ADGRB1: variants seen among roughly 807,000 people sequenced by gnomAD.
ADGRB1 encodes brain-specific angiogenesis inhibitor 1.
Under a neutral mutation model 175.7 loss-of-function variants are expected in ADGRB1, and 36 were observed. That is an observed-to-expected ratio of 0.20 (90% CI 0.16 to 0.27). ADGRB1 has a LOEUF of 0.27. Ranked by LOEUF, ADGRB1 falls within the 10% of genes least tolerant of loss-of-function variation. The pLI is 1.00. For synonymous variants in ADGRB1, 1,054 were observed against 979.4 expected, an observed-to-expected ratio of 1.08 and a Z score of -1.42; for missense variants, 1,731 against 2,255.3, an observed-to-expected ratio of 0.77 and a Z score of 4.71.
rs1195271354 is a variant in ADGRB1 at position 142,464,510 on chromosome 8, C to T, written c.312C>T (p.Phe104=). The part of the protein sequence containing the change: ...SGPGRVRTYQ[F]DSFLESTRTY... ...CCGGCCGCGTGCGCACCTACCAGTT[C>T]GACTCCTTCCTCGAGTCCACGCGCA... The change falls in exon 2 of 31, where the codon TTC becomes TTT. Residue 104 remains phenylalanine, a synonymous_variant. Transcript: ENST00000517894. The T allele has an allele frequency of 1.3e-6, 2 of 1,579,060 alleles. No individual in the cohort carries two copies. Among genetic ancestry groups the T allele is most frequent in the African/African-American group, 2.7e-5 (2 of 73,420 alleles).
intron 17 of ADGRB1, among the ~76,000 whole-genome samples, chr8:142,509,256 T>C (rs1235446254): frequency 9.2e-5 from 14 of 152,174 alleles, no homozygotes; most frequent in African/African-American, 3.4e-4. Flanking sequence ...CCTGTGCCGC[T>C]CAGCGCTGTC....
At chr8:142,476,920 C>T (rs1417535196) in intron 4 of ADGRB1, among the ~76,000 whole-genome samples, 194 bp from the exon 5 acceptor site, 3 of 152,172 alleles carry the variant, frequency 2.0e-5, no homozygotes, top group Admixed American at 2.0e-4. Flanking sequence ...TGGCACAGGC[C>T]GGCCCTCAGG....
At chr8:142,516,321 C>T (rs1281065098) in intron 18 of ADGRB1, among the ~76,000 whole-genome samples, 2 of 126,910 alleles carry the variant, frequency 1.6e-5, no homozygotes, top group Non-Finnish European at 3.2e-5. Flanking sequence ...TGTGCGGGCC[C>T]CAGGTGCATG....
In ADGRB1 at chr8:142,544,117, G is replaced by T. The variant is rs553264383; in HGVS notation, c.4558-103G>T. 1.2e-5 allele frequency: 15 copies of T among 1,246,316 alleles called. No individual in the cohort carries two copies. In the East Asian group the frequency reaches 2.8e-4, roughly 23 times the overall value. The allele number at this position is 1,246,316 out of a possible 1,614,324, so 77.2% of individuals were successfully genotyped here. A position where few individuals can be genotyped will look rare whatever the true frequency, so the allele number is the denominator to read the frequency against. On this transcript the variant is annotated intron_variant, in intron 30 of 30. Transcript: ENST00000517894. ...CCCTGTCCCCTGTCCCCCACCTCCCGTCCCTTCCTCACTGATTCGTGTCTG... is the reference window on the plus strand; with the variant it reads ...CCCTGTCCCCTGTCCCCCACCTCCCTTCCCTTCCTCACTGATTCGTGTCTG...
chr8:142,521,542 G>A (rs1209173657), intron 20 of ADGRB1, among the ~76,000 whole-genome samples: 1 of 152,242 alleles, frequency 6.6e-6, no homozygotes, highest in Non-Finnish European at 1.5e-5. Flanking sequence ...CTGGCCCCAG[G>A]GCCTGCCATG....
intron 11 of ADGRB1, among the ~76,000 whole-genome samples, chr8:142,482,159 T>TACACTGAGCCCTGACCCTGGTC (rs1841382912): frequency 7.8e-6 from 1 of 127,754 alleles, no homozygotes; most frequent in East Asian, 2.6e-4. Flanking sequence ...ATCCTGATCA[T>TACACTGAGCCCTGACCCTGGTC]ACACTGAGCC....
At chr8:142,496,347 G>T (rs1384293125) in intron 17 of ADGRB1, among the ~76,000 whole-genome samples, 1 of 151,284 alleles carries the variant, frequency 6.6e-6, no homozygotes, top group Non-Finnish European at 1.5e-5. Context: ...TGTGTAGATG[G>T]ATAGATGGGT....
In ADGRB1 at chr8:142,543,578, C is replaced by T. The variant is rs375945494; in HGVS notation, c.4450-23C>T. 2.2e-4 allele frequency: 338 copies of T among 1,570,608 alleles called. No homozygotes were observed. In the African/African-American group the frequency reaches 3.7e-3, roughly 17 times the overall value. ...CATGCCCTCCTCCTGGCCCAGGACTCACTGCCCAGACCCCGCCTGCAGAAG... is the reference window on the plus strand; with the variant it reads ...CATGCCCTCCTCCTGGCCCAGGACTTACTGCCCAGACCCCGCCTGCAGAAG... On this transcript the variant is annotated intron_variant, in intron 29 of 30. Transcript: ENST00000517894. The surrounding 1 kb of genome is among the most constrained non-coding windows in gnomAD (Gnocchi z 4.4).
chr8:142,494,011 G>C (rs1297387825), intron 17 of ADGRB1, among the ~76,000 whole-genome samples: 1 of 152,202 alleles, frequency 6.6e-6, no homozygotes, highest in Non-Finnish European at 1.5e-5. Flanking sequence ...GTGTGGGCCT[G>C]TGTCGGTGTG....
At chr8:142,497,246 G>T (rs1184879001) in intron 17 of ADGRB1, among the ~76,000 whole-genome samples, 1 of 152,212 alleles carries the variant, frequency 6.6e-6, no homozygotes, top group Admixed American at 6.5e-5. Flanking sequence ...AGGTTCAGCT[G>T]TCCTGGCTCG....
intron 2 of ADGRB1, among the ~76,000 whole-genome samples, chr8:142,470,879 C>A (rs1019658904): frequency 1.7e-4 from 26 of 152,144 alleles, no homozygotes; most frequent in African/African-American, 5.8e-4. Flanking sequence ...GTTGGAGACA[C>A]AGTCAGGCTC....
At position 142,491,681 on chromosome 8, in the gene ADGRB1, C is replaced by T. The variant is rs528055223; in HGVS notation, c.2675+866C>T. 1.3e-3 allele frequency among the ~76,000 whole-genome samples: 205 copies of T among 152,300 alleles called. 3 individuals carry two copies. The South Asian group carries it at 0.041, about 31-fold the overall frequency. ...CCCGCCTCCTCCGAGCGTGTTCCTC[C>T]GGCTCCCTCAGCCCCAGTCCCTCCT... On this transcript the variant is annotated intron_variant, in intron 17 of 30. Transcript: ENST00000517894.
Position 142,478,458 on chromosome 8 carries a change from C to T in ADGRB1, c.1561+98C>T. The T allele has an allele frequency of 3.0e-6, 4 of 1,351,904 alleles. No homozygotes were observed. In the South Asian group the frequency reaches 5.9e-5, roughly 20 times the overall value. The allele number at this position is 1,351,904 out of a possible 1,614,324, so 83.7% of individuals were successfully genotyped here. On this transcript the variant is annotated intron_variant, in intron 7 of 30. Transcript: ENST00000517894. ...CAGCGGGTGGGGGTAACCATGGGCC[C>T]CGGCATGTGACTGAGGAGGGAGTGG...
chr8:142,533,232 T>G, intron 24 of ADGRB1, 63 bp from the exon 25 acceptor site: 1 of 1,428,024 alleles, frequency 7.0e-7, no homozygotes, highest in South Asian at 1.4e-5. Flanking sequence ...GATGCAGGGT[T>G]CAGGGCAGGG....
intron 25 of ADGRB1, among the ~76,000 whole-genome samples, chr8:142,536,466 G>C (rs993592292): frequency 3.3e-5 from 5 of 152,174 alleles, no homozygotes; most frequent in Admixed American, 3.3e-4. Flanking sequence ...CCTGAAGAGT[G>C]GGTGGCCATG....
intron 1 of ADGRB1, among the ~76,000 whole-genome samples, chr8:142,451,972 G>T (rs1219603631): frequency 6.6e-6 from 1 of 152,190 alleles, no homozygotes; most frequent in Non-Finnish European, 1.5e-5. Context: ...AGCAGGCGAA[G>T]GAGGGGGCGG....
intron 13 of ADGRB1, among the ~76,000 whole-genome samples, chr8:142,486,022 C>T (rs1194386910): frequency 1.3e-5 from 2 of 152,168 alleles, no homozygotes; most frequent in Non-Finnish European, 2.9e-5. Context: ...TCCCAAAGGC[C>T]CCACCACCAA....
At chr8:142,529,234 G>T (rs912464440) in intron 24 of ADGRB1, among the ~76,000 whole-genome samples, 1 of 152,176 alleles carries the variant, frequency 6.6e-6, no homozygotes. Context: ...GCCACTGGGG[G>T]TGTGTGGGTA....
At position 142,481,512 on chromosome 8, in the gene ADGRB1, C is replaced by T. The variant is rs776584105; in HGVS notation, c.1936-5C>T. The T allele has an allele frequency of 2.7e-5, 43 of 1,573,912 alleles. No individual in the cohort carries two copies. The highest frequency in any genetic ancestry group is 9.2e-5 in the East Asian group (4 of 43,352). ...GAAGGCACCCGCCCTCTCTGTCTTC[C>T]GCAGACCCGGGAGCACCTGGCCAAG... On this transcript the variant is annotated splice_region_variant and splice_polypyrimidine_tract_variant and intron_variant, in intron 10 of 30. Transcript: ENST00000517894.
Sources: allele counts gnomAD v4.1 joint callset (sites outside exome capture counted in the v4.1 genomes callset), GRCh38; gene constraint gnomAD v4.1.1; non-coding constraint Gnocchi (gnomAD v3.1); transcripts MANE v1.5; gene names NCBI Gene and HGNC (gene_info 2026-07-23, HGNC 2026-07-21).